The following NCOA6 variants were observed in gnomAD, a reference collection of about 807,000 sequenced individuals.
NCOA6 encodes nuclear receptor coactivator 6.
In NCOA6, 49 loss-of-function variants were observed where a neutral mutation model predicts 171.4. The observed-to-expected ratio is 0.29, with a 90% confidence interval of 0.23 to 0.36. NCOA6 has a LOEUF of 0.36. Among genes scored for constraint, NCOA6 ranks in the 10% least tolerant of loss-of-function variants. The pLI is 1.00. For synonymous variants in NCOA6, 910 were observed against 927.5 expected (o/e 0.98, Z 0.34); for missense variants, 2,248 against 2,554.5 (o/e 0.88, Z 2.59).
At chr20:34,807,305 A>T (rs2078486035) in intron 1 of NCOA6, among the ~76,000 whole-genome samples, 1 of 152,182 alleles carries the variant, frequency 6.6e-6, no homozygotes, top group Non-Finnish European at 1.5e-5. Flanking sequence ...GCCAAGCGCT[A>T]AGATGAGACA....
intron 12 of NCOA6, among the ~76,000 whole-genome samples, chr20:34,734,437 G>T (rs2075887597): frequency 1.3e-5 from 2 of 152,088 alleles, no homozygotes; most frequent in South Asian, 4.1e-4. Flanking sequence ...GCTCACTGCA[G>T]CCTCAACCTC....
At chr20:34,822,108 C>T (rs901393265) in intron 1 of NCOA6, among the ~76,000 whole-genome samples, 2 of 151,318 alleles carry the variant, frequency 1.3e-5, no homozygotes, top group Non-Finnish European at 2.9e-5. Context: ...TCTAACTCTG[C>T]TCAGTGCCCA....
chr20:34,822,493 T>G (rs1050046512), intron 1 of NCOA6, among the ~76,000 whole-genome samples: 11 of 152,180 alleles, frequency 7.2e-5, no homozygotes. Flanking sequence ...TCGCAACACC[T>G]TCCCTGATTC....
At chr20:34,781,327 AGG>A (rs1275711533) in intron 3 of NCOA6, among the ~76,000 whole-genome samples, 4 of 152,214 alleles carry the variant, frequency 2.6e-5, no homozygotes, top group African/African-American at 9.6e-5. Flanking sequence ...CTATGTCCGA[AGG>A]GATTAGATAA....
At chr20:34,796,003 ATTTTTTTTTTT>A (rs569229378) in intron 1 of NCOA6, among the ~76,000 whole-genome samples, 1 of 95,766 alleles carries the variant, frequency 1.0e-5, no homozygotes, top group African/African-American at 4.3e-5. Context: ...ATATGTTTGA[ATTTTTTTTTTT>A]TTTTTTTTTT....
chr20:34,742,866 G>C lies in NCOA6; in HGVS notation c.3390C>G (p.Ala1130=). The change falls in exon 11 of 15, where the codon GCC becomes GCG. Residue 1130 remains alanine (A), a synonymous_variant. Coordinates refer to ENST00000359003, the MANE Select transcript of NCOA6 (RefSeq NM_014071.5). ...CACTGCCACTTGCTTCAGGGAGTGA[G>C]GCCATCTCCGCCAGTGGCGAGCTGG... ...NPSSSPLAEM[A]SLPEASGSEA... 1 of 1,614,202 alleles carries C rather than the reference G, an allele frequency of 6.2e-7. No homozygotes were observed. Among genetic ancestry groups the C allele is most frequent in the Non-Finnish European group, 8.5e-7 (1 of 1,180,026 alleles).
At chr20:34,776,968 T>C (rs2077343285) in intron 3 of NCOA6, among the ~76,000 whole-genome samples, 1 of 151,946 alleles carries the variant, frequency 6.6e-6, no homozygotes, top group Non-Finnish European at 1.5e-5. Flanking sequence ...AATATAAAAA[T>C]TTGCTGGGCA....
At chr20:34,725,082 C>T (rs1227944836) in intron 14 of NCOA6, among the ~76,000 whole-genome samples, 2 of 152,204 alleles carry the variant, frequency 1.3e-5, no homozygotes, top group Non-Finnish European at 2.9e-5. Flanking sequence ...AGCCACTGCA[C>T]GTGGCTGAGG....
At chr20:34,748,410 A>G (rs1341414002) in intron 9 of NCOA6, among the ~76,000 whole-genome samples, 2 of 152,246 alleles carry the variant, frequency 1.3e-5, no homozygotes, top group Non-Finnish European at 2.9e-5. Context: ...GAAGGCTGGG[A>G]TAAAGGTAGT....
chr20:34,812,850 T>C (rs951429512), intron 1 of NCOA6, among the ~76,000 whole-genome samples: 1 of 151,926 alleles, frequency 6.6e-6, no homozygotes, highest in African/African-American at 2.4e-5. Flanking sequence ...ACCCCACTTC[T>C]ACAAAAAAAA....
chr20:34,790,465 C>T (rs1356328569), intron 2 of NCOA6, among the ~76,000 whole-genome samples: 1 of 152,066 alleles, frequency 6.6e-6, no homozygotes. Flanking sequence ...TGCCATTCTC[C>T]TGCCTCAACC....
chr20:34,750,293 C>G lies in NCOA6; in HGVS notation c.1902G>C (p.Gln634His). The G allele has an allele frequency of 6.2e-7, 1 of 1,613,054 alleles. No homozygotes were observed. The highest frequency in any genetic ancestry group is 1.1e-5 in the South Asian group (1 of 91,012). ...MHQQIVPSQG[Q>H]MVQQQGTLNP... The stretch of plus-strand genomic sequence containing the variant: ...TCAAGGTTCCTTGTTGCTGGACCAT[C>G]TGGCCCTGGGAGGGCACGATTTGCT... The change falls in exon 9 of 15, where the codon CAG becomes CAC. Residue 634 changes from glutamine (Q) to histidine (H), a missense_variant. Gln to His is a conservative substitution (Grantham distance 24, BLOSUM62 0). Around this residue, in one of 7 missense-constraint regions of NCOA6, gnomAD observed 987 missense variants for 1,104.7 expected, o/e 0.89. Transcript: ENST00000359003.
At chr20:34,811,931 A>G (rs1488085863) in intron 1 of NCOA6, among the ~76,000 whole-genome samples, 1 of 151,980 alleles carries the variant, frequency 6.6e-6, no homozygotes, top group East Asian at 1.9e-4. Context: ...TCCTCCCTAT[A>G]CCCTTTCATG....
At position 34,802,183 on chromosome 20, in the gene NCOA6, T is replaced by C. The variant is rs139192010; in HGVS notation, c.-163-9620A>G. Among the ~76,000 whole-genome samples, 321 of 152,314 alleles carry C rather than the reference T, an allele frequency of 2.1e-3. 3 individuals are homozygous for C. The highest frequency in any genetic ancestry group is 7.2e-3 in the African/African-American group (298 of 41,584). On this transcript the variant is annotated intron_variant, in intron 1 of 14. Transcript: ENST00000359003. Reference sequence around the variant, plus strand: ...AAACAACACATTAAAAAATCATTCATAGGCTGGGTGCGGTGGCTCACGCCT... The same window carrying C: ...AAACAACACATTAAAAAATCATTCACAGGCTGGGTGCGGTGGCTCACGCCT...
intron 1 of NCOA6, among the ~76,000 whole-genome samples, chr20:34,801,210 G>T (rs990345247): frequency 3.3e-5 from 5 of 152,008 alleles, no homozygotes; most frequent in African/African-American, 9.7e-5. Flanking sequence ...GTGAAAGCAG[G>T]ACTAAGAGGG....
intron 1 of NCOA6, among the ~76,000 whole-genome samples, chr20:34,813,334 C>T (rs567955756): frequency 1.5e-4 from 23 of 148,712 alleles, no homozygotes; most frequent in Middle Eastern, 3.7e-3. Flanking sequence ...GGCATGGTGG[C>T]GGGCACCTGT....
intron 1 of NCOA6, among the ~76,000 whole-genome samples, chr20:34,806,314 C>A (rs539649063): frequency 2.0e-5 from 3 of 152,294 alleles, no homozygotes; most frequent in African/African-American, 7.2e-5. Context: ...AGATATTAAT[C>A]CCTTGTCACA....
At chr20:34,787,550 A>G (rs895897684) in intron 2 of NCOA6, among the ~76,000 whole-genome samples, 9 of 152,078 alleles carry the variant, frequency 5.9e-5, no homozygotes, top group African/African-American at 1.9e-4. Flanking sequence ...AAATTAAAAG[A>G]GATCAATTTT....
At chr20:34,734,770 A>G (rs900406586) in intron 12 of NCOA6, among the ~76,000 whole-genome samples, 2 of 151,920 alleles carry the variant, frequency 1.3e-5, no homozygotes, top group African/African-American at 4.8e-5. Flanking sequence ...CTCCTGCCTC[A>G]GCCTCCCAAG....
Sources: allele counts gnomAD v4.1 joint callset (sites outside exome capture counted in the v4.1 genomes callset), GRCh38; gene constraint gnomAD v4.1.1; regional missense constraint gnomAD v4.1.1; transcripts MANE v1.5; gene names NCBI Gene and HGNC (gene_info 2026-07-23, HGNC 2026-07-21).